TBC1D22A: variants seen among roughly 807,000 people sequenced by gnomAD.
TBC1D22A encodes the protein TBC1 domain family member 22A.
TBC1D22A carries 38 observed loss-of-function variants against 60.2 expected under a neutral mutation model. That is an observed-to-expected ratio of 0.63 (90% confidence interval 0.49 to 0.83). TBC1D22A has a LOEUF of 0.83. Among genes scored for constraint, TBC1D22A ranks in the 40% least tolerant of loss-of-function variants. TBC1D22A has a pLI of 0.00. For missense variants in TBC1D22A, 628 were observed against 701.0 expected, an observed-to-expected ratio of 0.90 and a Z score of 1.18; for synonymous variants, 302 against 281.7, an observed-to-expected ratio of 1.07 and a Z score of -0.72.
At chr22:46,972,440 G>A (rs1481155418) in intron 8 of TBC1D22A, among the ~76,000 whole-genome samples, 1 of 152,218 alleles carries the variant, frequency 6.6e-6, no homozygotes, top group Non-Finnish European at 1.5e-5. Context: ...TGGCCTGGCC[G>A]TAGGGGTGCG....
At chr22:46,815,869 G>A (rs993333909) in intron 4 of TBC1D22A, among the ~76,000 whole-genome samples, 15 of 152,258 alleles carry the variant, frequency 9.9e-5, no homozygotes, top group Admixed American at 5.2e-4. Flanking sequence ...GAGGGCCTGC[G>A]TGGAGGGGAG....
At chr22:46,952,055 G>A (rs918108454) in intron 8 of TBC1D22A, among the ~76,000 whole-genome samples, 9 of 152,232 alleles carry the variant, frequency 5.9e-5, no homozygotes, top group Admixed American at 1.3e-4. Flanking sequence ...CACAGGGCAC[G>A]TGGATGTCCA....
At chr22:47,162,735 C>G (rs184356336) in intron 12 of TBC1D22A, among the ~76,000 whole-genome samples, 1 of 122,020 alleles carries the variant, frequency 8.2e-6, no homozygotes, top group Non-Finnish European at 1.7e-5. Context: ...AATGGGACTG[C>G]GGACCCGGTG....
chr22:47,051,229 C>T (rs1354194563), intron 11 of TBC1D22A, among the ~76,000 whole-genome samples: 4 of 152,176 alleles, frequency 2.6e-5, no homozygotes, highest in Admixed American at 2.6e-4. Context: ...ATGTTGTTGT[C>T]TCTAAATACG....
intron 8 of TBC1D22A, among the ~76,000 whole-genome samples, chr22:46,962,870 T>G (rs2073585377): frequency 6.6e-6 from 1 of 152,182 alleles, no homozygotes; most frequent in African/African-American, 2.4e-5. Context: ...TCCCTCTTTA[T>G]TTAGTATTGT....
At chr22:46,993,803 G>A (rs1256035100) in intron 9 of TBC1D22A, among the ~76,000 whole-genome samples, 6 of 152,192 alleles carry the variant, frequency 3.9e-5, no homozygotes, top group Admixed American at 3.3e-4. Flanking sequence ...CCTTGGCCAC[G>A]GTGTCTGCCT....
intron 4 of TBC1D22A, among the ~76,000 whole-genome samples, chr22:46,844,962 ACTC>A (rs1242225654): frequency 6.6e-6 from 1 of 152,008 alleles, no homozygotes; most frequent in East Asian, 1.9e-4. Flanking sequence ...GACTTCTCCA[ACTC>A]TGGAATTCTC....
chr22:47,111,416 C>G, intron 11 of TBC1D22A, 92 bp from the exon 12 acceptor site: 1 of 1,164,322 alleles, frequency 8.6e-7, no homozygotes, highest in Non-Finnish European at 1.3e-6. Context: ...TGAACCCTGA[C>G]TAGATAAACC....
At chr22:47,064,336 G>T (rs2063686096) in intron 11 of TBC1D22A, among the ~76,000 whole-genome samples, 1 of 152,272 alleles carries the variant, frequency 6.6e-6, no homozygotes. Flanking sequence ...GTCCACAGGA[G>T]GCCACTTGTG....
intron 8 of TBC1D22A, among the ~76,000 whole-genome samples, chr22:46,970,379 T>C (rs1157265411): frequency 6.6e-6 from 1 of 152,264 alleles, no homozygotes; most frequent in Non-Finnish European, 1.5e-5. Flanking sequence ...CTGGGATTGC[T>C]TGGAATTACC....
At chr22:47,136,430 G>A (rs944006880) in intron 12 of TBC1D22A, among the ~76,000 whole-genome samples, 1 of 152,244 alleles carries the variant, frequency 6.6e-6, no homozygotes, top group Non-Finnish European at 1.5e-5. Context: ...GCTGTAGGAC[G>A]TTGGGAGGAG....
chr22:46,904,719 C>T (rs5769223), intron 7 of TBC1D22A, among the ~76,000 whole-genome samples: 42,003 of 151,224 alleles, frequency 0.28, 6,392 homozygotes, highest in East Asian at 0.61. Flanking sequence ...CTGCCTGCCT[C>T]GGCCTCCCAA....
At chr22:47,033,641 G>A (rs1258594230) in intron 10 of TBC1D22A, among the ~76,000 whole-genome samples, 3 of 152,172 alleles carry the variant, frequency 2.0e-5, no homozygotes, top group Non-Finnish European at 4.4e-5. Flanking sequence ...CGAAGAAGAG[G>A]GGGAGGCTCA....
In TBC1D22A at chr22:46,891,848, C is replaced by G. The variant is rs115974688; in HGVS notation, c.837+454C>G. Among the ~76,000 whole-genome samples the G allele has an allele frequency of 5.0e-3, 754 of 152,254 alleles. 6 individuals carry two copies. Among genetic ancestry groups the G allele is most frequent in the African/African-American group, 0.017 (714 of 41,556 alleles). ...GGTCTAGGTAGGGATGTGATACCGACCCAGGAAAGGTGTGTTCATCAGTTT... is the reference window on the plus strand; with the variant it reads ...GGTCTAGGTAGGGATGTGATACCGAGCCAGGAAAGGTGTGTTCATCAGTTT... On this transcript the variant is annotated intron_variant, in intron 6 of 12. Transcript: ENST00000337137.
chr22:46,922,688 G>A (rs1170579571), intron 8 of TBC1D22A, among the ~76,000 whole-genome samples: 1 of 152,056 alleles, frequency 6.6e-6, no homozygotes, highest in Non-Finnish European at 1.5e-5. Flanking sequence ...TATTCTTTTT[G>A]TGGCTGTTGT....
intron 8 of TBC1D22A, among the ~76,000 whole-genome samples, chr22:46,972,449 C>T (rs959553777): frequency 4.6e-5 from 7 of 152,160 alleles, no homozygotes; most frequent in African/African-American, 1.7e-4. Flanking sequence ...CGTAGGGGTG[C>T]GGCTCAGTCG....
chr22:46,913,865 GA>G, intron 8 of TBC1D22A: 1 of 655,322 alleles, frequency 1.5e-6, no homozygotes, highest in South Asian at 6.8e-5. Flanking sequence ...AAGACAGGAT[GA>G]AGGGGCATGA....
intron 12 of TBC1D22A, among the ~76,000 whole-genome samples, chr22:47,140,446 C>T (rs1207152360): frequency 6.6e-6 from 1 of 151,620 alleles, no homozygotes; most frequent in Admixed American, 6.6e-5. Flanking sequence ...GTAGTCCCAG[C>T]TACTGGGGAG....
chr22:46,781,227 G>A (rs1020088208), intron 1 of TBC1D22A, among the ~76,000 whole-genome samples: 4 of 151,272 alleles, frequency 2.6e-5, no homozygotes, highest in African/African-American at 7.3e-5. Flanking sequence ...CTGCTGGAGT[G>A]CAGTGGTGCG....
Sources: gnomAD v4.1 joint callset for allele counts (sites outside exome capture counted in the v4.1 genomes callset) on GRCh38, gnomAD v4.1.1 for gene constraint, MANE v1.5 for transcripts, NCBI Gene and HGNC (gene_info 2026-07-23, HGNC 2026-07-21) for gene names.